Variants in C10orf90 observed in about 807,000 individuals in gnomAD.
C10orf90 encodes the protein (E2-independent) E3 ubiquitin-conjugating enzyme FATS.
In C10orf90, 56 loss-of-function variants were observed where a neutral mutation model predicts 62.5. The observed-to-expected ratio is 0.90, with a 90% CI of 0.72 to 1.12. The LOEUF is 1.12. Among genes scored for constraint, C10orf90 ranks in the 50% most tolerant of loss-of-function variants. The pLI is 0.00. For missense variants in C10orf90, 970 were observed against 880.4 expected (o/e 1.10, Z -1.29); for synonymous variants, 386 against 340.4 (o/e 1.13, Z -1.47).
intron 4 of C10orf90, among the ~76,000 whole-genome samples, chr10:126,481,240 A>T (rs768554405): frequency 9.2e-5 from 14 of 152,102 alleles, no homozygotes; most frequent in Non-Finnish European, 1.5e-4. Context: ...ATCTGACTTC[A>T]GTGCTCTACA....
chr10:126,563,540 G>A (rs1864951472), intron 2 of C10orf90, among the ~76,000 whole-genome samples: 1 of 152,186 alleles, frequency 6.6e-6, no homozygotes, highest in Admixed American at 6.5e-5. Flanking sequence ...GGGTTTGTGT[G>A]AGGATTCAAG....
intron 2 of C10orf90, among the ~76,000 whole-genome samples, chr10:126,530,591 G>A (rs548627106): frequency 7.1e-4 from 108 of 151,904 alleles, no homozygotes; most frequent in African/African-American, 2.4e-3. Flanking sequence ...ATCAAAAATC[G>A]TCCCATAAAG....
chr10:126,666,429 C>G (rs1171773539), intron 1 of C10orf90, among the ~76,000 whole-genome samples: 1 of 151,986 alleles, frequency 6.6e-6, no homozygotes, highest in Non-Finnish European at 1.5e-5. Context: ...AGAAGCATGA[C>G]CCATAATCAG....
chr10:126,538,313 T>A (rs1034170853), intron 2 of C10orf90, among the ~76,000 whole-genome samples: 1 of 152,184 alleles, frequency 6.6e-6, no homozygotes, highest in Non-Finnish European at 1.5e-5. Flanking sequence ...TTATGGTAGC[T>A]ACAATTCAAG....
At chr10:126,469,698 T>G in intron 4 of C10orf90, 1 of 360,376 alleles carries the variant, frequency 2.8e-6, no homozygotes, top group East Asian at 7.3e-5. Context: ...TCAACACCTT[T>G]GCAAAGCTCT....
At chr10:126,536,009 C>T (rs148634056) in intron 2 of C10orf90, among the ~76,000 whole-genome samples, 1 of 152,164 alleles carries the variant, frequency 6.6e-6, no homozygotes, top group African/African-American at 2.4e-5. Context: ...GGAACAAAGG[C>T]TCAGCCCTTA....
At chr10:126,628,177 C>G (rs1408255250) in intron 2 of C10orf90, among the ~76,000 whole-genome samples, 1 of 152,310 alleles carries the variant, frequency 6.6e-6, no homozygotes, top group South Asian at 2.1e-4. Flanking sequence ...TTCTGTGGCT[C>G]AGTTTTCTTA....
rs189857065 is a variant in C10orf90 at position 126,521,531 on chromosome 10, G to A, written c.314-7592C>T. ...CCGGAATGTTTACAGGGCAACCAGG[G>A]GAGGTGGCATACAAGCCCACCTTGT... On this transcript the variant is annotated intron_variant, in intron 2 of 9. Transcript: ENST00000488181. 2,313 of 1,267,500 alleles carry A rather than the reference G, an allele frequency of 1.8e-3. 12 individuals carry two copies. Among genetic ancestry groups the A allele is most frequent in the Non-Finnish European group, 1.6e-3 (1,600 of 977,148 alleles). The allele number at this position is 1,267,500 out of a possible 1,614,324, so 78.5% of individuals were successfully genotyped here. A position where few individuals can be genotyped will look rare whatever the true frequency, so the allele number is the denominator to read the frequency against.
intron 2 of C10orf90, among the ~76,000 whole-genome samples, chr10:126,571,898 C>T (rs1844514376): frequency 6.6e-6 from 1 of 152,148 alleles, no homozygotes; most frequent in East Asian, 1.9e-4. Context: ...CACTTCCTGG[C>T]AGGACACCCA....
chr10:126,630,883 C>A (rs887954656), intron 2 of C10orf90, among the ~76,000 whole-genome samples: 1 of 152,172 alleles, frequency 6.6e-6, no homozygotes, highest in African/African-American at 2.4e-5. Flanking sequence ...CTGGGAATCA[C>A]CCTCCTTAAC....
intron 1 of C10orf90, among the ~76,000 whole-genome samples, chr10:126,660,194 AT>A (rs1400269961): frequency 6.6e-6 from 1 of 152,248 alleles, no homozygotes; most frequent in Non-Finnish European, 1.5e-5. Context: ...AAAAGATCCT[AT>A]GAATATGACG....
intron 2 of C10orf90, among the ~76,000 whole-genome samples, chr10:126,588,568 C>A (rs1844919372): frequency 6.6e-6 from 1 of 152,168 alleles, no homozygotes; most frequent in Non-Finnish European, 1.5e-5. Flanking sequence ...CTGGAGTGTA[C>A]CCTCAGCAAA....
At chr10:126,481,694 C>T (rs1861169042) in intron 4 of C10orf90, among the ~76,000 whole-genome samples, 1 of 152,158 alleles carries the variant, frequency 6.6e-6, no homozygotes, top group African/African-American at 2.4e-5. Context: ...ATGAAGAAGC[C>T]AAGTTTCTGA....
intron 7 of C10orf90, among the ~76,000 whole-genome samples, chr10:126,446,212 G>A (rs1564797500): frequency 1.3e-5 from 2 of 151,684 alleles, no homozygotes; most frequent in Non-Finnish European, 2.9e-5. Flanking sequence ...GGGACAGAAA[G>A]CTTATTTAAA....
intron 4 of C10orf90, among the ~76,000 whole-genome samples, chr10:126,476,694 C>T (rs898333652): frequency 6.6e-6 from 1 of 152,284 alleles, no homozygotes; most frequent in East Asian, 1.9e-4. Flanking sequence ...CGCGGACTTC[C>T]GGAGTTATTT....
At chr10:126,592,008 T>C (rs1844989494) in intron 2 of C10orf90, among the ~76,000 whole-genome samples, 1 of 152,032 alleles carries the variant, frequency 6.6e-6, no homozygotes, top group African/African-American at 2.4e-5. Context: ...AAGGACCTCC[T>C]CAAGGAAAAC....
chr10:126,440,429 C>A (rs1858230578), intron 7 of C10orf90, among the ~76,000 whole-genome samples: 1 of 152,124 alleles, frequency 6.6e-6, no homozygotes, highest in South Asian at 2.1e-4. Flanking sequence ...CCAGCTCTGC[C>A]CCCAGCTGAT....
intron 2 of C10orf90, among the ~76,000 whole-genome samples, chr10:126,625,312 G>T (rs1285917099): frequency 1.3e-5 from 2 of 152,196 alleles, no homozygotes; most frequent in Admixed American, 6.5e-5. Flanking sequence ...AAGCAGGATT[G>T]CAGAACTTGT....
intron 7 of C10orf90, among the ~76,000 whole-genome samples, chr10:126,438,195 A>G (rs1019922130): frequency 6.6e-6 from 1 of 152,164 alleles, no homozygotes; most frequent in Non-Finnish European, 1.5e-5. Context: ...ACCCAACCCT[A>G]CTGCCCAGAG....
Sources: allele counts gnomAD v4.1 joint callset (sites outside exome capture counted in the v4.1 genomes callset), GRCh38; gene constraint gnomAD v4.1.1; transcripts MANE v1.5; gene names NCBI Gene and HGNC (gene_info 2026-07-23, HGNC 2026-07-21).